The following NPRL3 variants were observed in gnomAD, a reference collection of about 807,000 sequenced individuals.
The protein encoded by NPRL3 is GATOR1 complex protein NPRL3.
NPRL3 carries 23 observed loss-of-function variants against 57.2 expected under a neutral mutation model. That is an observed-to-expected ratio of 0.40 (90% CI 0.29 to 0.57). The LOEUF is 0.57. Among genes scored for constraint, NPRL3 ranks in the 20% least tolerant of loss-of-function variants. The probability of loss-of-function intolerance (pLI) is 0.42; values close to 1 mark genes in which losing one functional copy is unlikely to be tolerated. For missense variants in NPRL3, 691 were observed against 767.1 expected, an observed-to-expected ratio of 0.90 and a Z score of 1.17; for synonymous variants, 333 against 321.1, an observed-to-expected ratio of 1.04 and a Z score of -0.39.
chr16:85,420 G>A lies in NPRL3; in HGVS notation c.*1285C>T, dbSNP rs1476173587. On this transcript the variant is annotated 3_prime_UTR_variant, in exon 14 of 14. Transcript: ENST00000611875. ...CCACAGGGGACGGGGCTTGCGTCTTGCTGCGAGCACTGGAGCCCCTGGAAG... is the reference window on the plus strand; with the variant it reads ...CCACAGGGGACGGGGCTTGCGTCTTACTGCGAGCACTGGAGCCCCTGGAAG... The A allele has an allele frequency of 1.2e-6, 2 of 1,609,274 alleles. No homozygotes were observed.
Position 92,477 on chromosome 16 carries a change from A to T in NPRL3, c.1161+119T>A, listed in dbSNP as rs184783973. ...TAGCACTTGCACGGCAAGCCCCCAA[A>T]ACCAAGGAGAAGCAGGTGGCAGTGC... On this transcript the variant is annotated intron_variant, in intron 11 of 13. Coordinates refer to ENST00000611875, the MANE Select transcript of NPRL3 (RefSeq NM_001077350.3). 4.8e-5 allele frequency: 64 copies of T among 1,324,186 alleles called. No homozygotes were observed. In the East Asian group the frequency reaches 1.5e-3, roughly 31 times the overall value. 82.0% of individuals were successfully genotyped at this position (1,324,186 alleles called of 1,614,324 possible).
At chr16:87,539 C>CTTTT (rs35209663) in intron 13 of NPRL3, among the ~76,000 whole-genome samples, 1 of 145,674 alleles carries the variant, frequency 6.9e-6, no homozygotes, top group African/African-American at 2.6e-5. Context: ...GCCCAGCCTG[C>CTTTT]TTTTTTTTTT....
At chr16:87,454 C>A (rs150136312) in intron 13 of NPRL3, among the ~76,000 whole-genome samples, 1 of 151,920 alleles carries the variant, frequency 6.6e-6, no homozygotes, top group East Asian at 1.9e-4. Context: ...CCAGGCTGGT[C>A]TCGAACTCCT....
intron 2 of NPRL3, among the ~76,000 whole-genome samples, chr16:136,687 CAAAAA>C (rs78093894): frequency 1.2e-5 from 1 of 85,226 alleles, no homozygotes; most frequent in Non-Finnish European, 2.5e-5. Flanking sequence ...AGACTCGTCT[CAAAAA>C]AAAAAAAAAA....
intron 11 of NPRL3, among the ~76,000 whole-genome samples, chr16:91,304 G>C (rs1428880373): frequency 6.6e-6 from 1 of 152,194 alleles, no homozygotes; most frequent in Non-Finnish European, 1.5e-5. Flanking sequence ...CTTGAACCCG[G>C]GAGGCAAAGG....
intron 7 of NPRL3, among the ~76,000 whole-genome samples, chr16:106,437 A>G (rs1899530301): frequency 6.6e-6 from 1 of 152,092 alleles, no homozygotes; most frequent in Admixed American, 6.6e-5. Flanking sequence ...ATTCAAGATC[A>G]GCCAGGGTAA....
At position 85,398 on chromosome 16, in the gene NPRL3, C is replaced by G. The variant is rs1898403401; in HGVS notation, c.*1307G>C. 1 of 1,598,992 alleles carries G rather than the reference C, an allele frequency of 6.3e-7. No homozygotes were observed. The highest frequency in any genetic ancestry group is 1.7e-5 in the Admixed American group (1 of 58,948). On this transcript the variant is annotated 3_prime_UTR_variant, in exon 14 of 14. Transcript: ENST00000611875. ...CTCCACTTCCAAACTGTCCGTCCCA[C>G]AGGGGACGGGGCTTGCGTCTTGCTG... is the stretch of plus-strand genomic sequence containing the variant.
intron 9 of NPRL3, among the ~76,000 whole-genome samples, chr16:96,925 G>C (rs1178708175): frequency 6.6e-6 from 1 of 151,246 alleles, no homozygotes; most frequent in African/African-American, 2.4e-5. Context: ...AAAGTGGCCT[G>C]AGAGTCAGGC....
At chr16:115,009 T>G (rs1271922514) in intron 5 of NPRL3, among the ~76,000 whole-genome samples, 1 of 151,200 alleles carries the variant, frequency 6.6e-6, no homozygotes, top group Non-Finnish European at 1.5e-5. Flanking sequence ...AGGGTCTCAC[T>G]CTCTTGCCCA....
At chr16:131,607 A>AAAC (rs1436902772) in intron 2 of NPRL3, among the ~76,000 whole-genome samples, 6 of 151,296 alleles carry the variant, frequency 4.0e-5, no homozygotes, top group South Asian at 2.1e-4. Flanking sequence ...CAAAAAAAAA[A>AAAC]AAAAAAAAAA....
At chr16:137,930 G>T (rs7359392) in intron 2 of NPRL3, among the ~76,000 whole-genome samples, 74 of 152,156 alleles carry the variant, frequency 4.9e-4, no homozygotes, top group African/African-American at 1.7e-3. Context: ...ATTTTTTAAA[G>T]GCTGGAGACT....
chr16:118,859 A>G (rs1200926597), intron 4 of NPRL3, among the ~76,000 whole-genome samples: 1 of 151,660 alleles, frequency 6.6e-6, no homozygotes, highest in Non-Finnish European at 1.5e-5. Context: ...GCCCAAGGAC[A>G]GACGCATCTG....
chr16:130,229 A>G (rs1022715925), intron 3 of NPRL3, among the ~76,000 whole-genome samples: 19 of 152,150 alleles, frequency 1.2e-4, no homozygotes, highest in African/African-American at 4.3e-4. Flanking sequence ...GCTTTCCTCT[A>G]TGTTTCTTTC....
intron 5 of NPRL3, among the ~76,000 whole-genome samples, chr16:113,293 CAA>C (rs923466708): frequency 1.3e-5 from 2 of 152,172 alleles, no homozygotes; most frequent in Non-Finnish European, 2.9e-5. Context: ...ATGCACGGTA[CAA>C]AAAGAGAGGC....
intron 5 of NPRL3, among the ~76,000 whole-genome samples, chr16:115,898 T>C (rs1052452217): frequency 2.0e-5 from 3 of 152,204 alleles, no homozygotes; most frequent in South Asian, 4.1e-4. Context: ...AATCACCACA[T>C]TGTTTAATCA....
intron 2 of NPRL3, 141 bp downstream of exon 2, chr16:138,009 T>C: frequency 1.6e-6 from 1 of 631,338 alleles, no homozygotes; most frequent in Non-Finnish European, 2.8e-6. Flanking sequence ...TTTTTCCTTT[T>C]TCTACTTTTC....
chr16:87,539 CTT>C (rs35209663), intron 13 of NPRL3, among the ~76,000 whole-genome samples: 3 of 145,664 alleles, frequency 2.1e-5, no homozygotes. Context: ...GCCCAGCCTG[CTT>C]TTTTTTTTTT....
Position 106,517 on chromosome 16 carries a change from C to T in NPRL3, c.629+4008G>A, listed in dbSNP as rs1480911284. Among the ~76,000 whole-genome samples, 2 of 151,224 alleles carry T rather than the reference C, an allele frequency of 1.3e-5. 1 individual carries two copies. Among genetic ancestry groups the T allele is most frequent in the African/African-American group, 4.9e-5 (2 of 41,136 alleles). The stretch of plus-strand genomic sequence containing the variant: ...GGCGTGGGGGCGGGTGCCTATAGTC[C>T]CAGCTACTCGGGAGGCCGAGATGGA... On this transcript the variant is annotated intron_variant, in intron 7 of 13. Coordinates refer to ENST00000611875, the MANE Select transcript of NPRL3 (RefSeq NM_001077350.3).
chr16:98,227 G>A lies in NPRL3; in HGVS notation c.842C>T (p.Ala281Val), dbSNP rs1399562667. 2 of 1,613,874 alleles carry A rather than the reference G, an allele frequency of 1.2e-6. No individual in the cohort carries two copies. Among genetic ancestry groups the A allele is most frequent in the Non-Finnish European group, 8.5e-7 (1 of 1,179,894 alleles). ...TGTGGTCTTGATCACCCGCACTAGG[G>A]CAGGGGAGCAGTCAATAGGAAGCTC... ...LGELPIDCSPALVRVIKTTSA... is the reference protein window; with the variant it reads ...LGELPIDCSPVLVRVIKTTSA... Residue 281 changes from alanine (A) to valine (V), a missense_variant, in exon 9 of 14, where the codon GCC (alanine) becomes GTC (valine). Ala to Val is a moderately conservative substitution (Grantham distance 64). Transcript: ENST00000611875.
Sources: allele counts gnomAD v4.1 joint callset (sites outside exome capture counted in the v4.1 genomes callset), GRCh38; gene constraint gnomAD v4.1.1; transcripts MANE v1.5; gene names NCBI Gene and HGNC (gene_info 2026-07-23, HGNC 2026-07-21).